JADE3: variants seen among roughly 807,000 people sequenced by gnomAD.
The protein encoded by JADE3 is jade family PHD finger 3.
A neutral mutation model predicts 50.1 loss-of-function variants in JADE3; 2 were observed. The ratio of observed to expected loss-of-function variants is 0.04; its 90% CI spans 0.02 to 0.13. The LOEUF is 0.13. JADE3 is among the 10% of genes least tolerant of loss of function. The pLI is 1.00. For missense variants in JADE3, 475 were observed against 634.4 expected, an observed-to-expected ratio of 0.75 and a Z score of 2.70; for synonymous variants, 218 against 232.9, an observed-to-expected ratio of 0.94 and a Z score of 0.58.
chrX:46,988,112 A>G (rs1338767741), intron 3 of JADE3, among the ~76,000 whole-genome samples: 1 of 111,837 alleles, frequency 8.9e-6, no homozygotes. Context: ...CCAAATTTAA[A>G]CAATTATGAG....
intron 8 of JADE3, among the ~76,000 whole-genome samples, chrX:47,052,607 C>T (rs1242031373): frequency 1.1e-5 from 1 of 87,043 alleles, no homozygotes; most frequent in African/African-American, 4.4e-5. Flanking sequence ...GCCCTCCAGC[C>T]TCAGCAACAG....
chrX:47,048,440 A>G (rs57849247), intron 8 of JADE3, among the ~76,000 whole-genome samples: 1 of 112,383 alleles, frequency 8.9e-6, no homozygotes, highest in African/African-American at 3.2e-5. Context: ...AAAAGTTAAA[A>G]CAACCCAAAT....
intron 5 of JADE3, 40 bp from the exon 6 acceptor site, chrX:47,027,852 C>A (rs1435597762): frequency 2.7e-6 from 3 of 1,125,588 alleles, no homozygotes; most frequent in Non-Finnish European, 3.7e-6. Flanking sequence ...GGAATGACAG[C>A]TGACTGATGG....
chrX:46,938,426 A>G (rs1388588114), intron 1 of JADE3, among the ~76,000 whole-genome samples: 3 of 111,615 alleles, frequency 2.7e-5, no homozygotes, highest in African/African-American at 9.8e-5. Context: ...TTCAAGAGGA[A>G]TGCAGAAACC....
At chrX:46,959,085 T>C (rs1376349415) in intron 1 of JADE3, among the ~76,000 whole-genome samples, 1 of 112,309 alleles carries the variant, frequency 8.9e-6, no homozygotes, top group Non-Finnish European at 1.9e-5. Context: ...GATTCTTAGT[T>C]ATACATCTCA....
intron 5 of JADE3, 72 bp downstream of exon 5, chrX:47,024,986 C>T: frequency 1.9e-6 from 1 of 525,805 alleles, no homozygotes; most frequent in Non-Finnish European, 3.0e-6. Flanking sequence ...AACCCTTTAG[C>T]TTGTTTTTAT....
intron 1 of JADE3, among the ~76,000 whole-genome samples, chrX:46,951,702 AT>A (rs782817387): frequency 7.6e-4 from 78 of 103,197 alleles, no homozygotes; most frequent in South Asian, 3.4e-3. Flanking sequence ...AGGCTTTGTT[AT>A]TTTTTTTTTC....
intron 8 of JADE3, among the ~76,000 whole-genome samples, chrX:47,049,466 C>CT (rs1172608413): frequency 1.3e-3 from 123 of 96,974 alleles, no homozygotes; most frequent in African/African-American, 3.9e-3. Flanking sequence ...GCGCCCAACC[C>CT]TTTTTTTTTT....
chrX:46,961,117 G>A (rs1170978388), intron 1 of JADE3, among the ~76,000 whole-genome samples: 2 of 111,985 alleles, frequency 1.8e-5, no homozygotes, highest in Non-Finnish European at 3.8e-5. Context: ...TTACTACAAA[G>A]CCATTATAAT....
At chrX:46,978,452 A>C (rs782011243) in intron 1 of JADE3, among the ~76,000 whole-genome samples, 1 of 111,586 alleles carries the variant, frequency 9.0e-6, no homozygotes, top group East Asian at 2.8e-4. Flanking sequence ...AATGAATAGA[A>C]CCAGGGTTGG....
intron 1 of JADE3, among the ~76,000 whole-genome samples, chrX:46,963,650 C>T (rs1927309082): frequency 8.9e-6 from 1 of 112,030 alleles, no homozygotes. Flanking sequence ...GGGAGCTCTG[C>T]TTTTGAAGTC....
In JADE3 at chrX:46,966,430, G is replaced by C. The variant is rs1239763082; in HGVS notation, c.-11-18454G>C. Among the ~76,000 whole-genome samples, 3 of 110,828 alleles carry C rather than the reference G, an allele frequency of 2.7e-5. No homozygotes were observed. In the Admixed American group the frequency reaches 2.9e-4, roughly 11 times the overall value. ...GCTCTGGACCAGAGGACCTTGTTTT[G>C]GGAGCCATAAGCATGTGGGTAGGGC... On this transcript the variant is annotated intron_variant, in intron 1 of 10. Transcript: ENST00000614628.
intron 1 of JADE3, among the ~76,000 whole-genome samples, chrX:46,917,060 G>A (rs1926101842): frequency 9.0e-6 from 1 of 111,532 alleles, no homozygotes; most frequent in Non-Finnish European, 1.9e-5. Context: ...ACTTGCTCTT[G>A]GCCAGTTATT....
chrX:46,985,860 T>A, intron 3 of JADE3, 68 bp downstream of exon 3: 1 of 730,510 alleles, frequency 1.4e-6, no homozygotes, highest in Non-Finnish European at 2.1e-6. Context: ...AAACCTCATG[T>A]TGAAATTATA....
intron 1 of JADE3, among the ~76,000 whole-genome samples, chrX:46,975,545 G>C (rs956059365): frequency 2.7e-5 from 3 of 110,126 alleles, no homozygotes; most frequent in African/African-American, 9.9e-5. Flanking sequence ...ATGTTTCCCT[G>C]TATACCATGT....
At chrX:46,955,520 A>C (rs1022560366) in intron 1 of JADE3, among the ~76,000 whole-genome samples, 1 of 112,325 alleles carries the variant, frequency 8.9e-6, no homozygotes, top group African/African-American at 3.2e-5. Context: ...GTCCCAATTA[A>C]GTGATTTATT....
At chrX:46,916,422 G>A (rs1363217373) in intron 1 of JADE3, among the ~76,000 whole-genome samples, 1 of 111,816 alleles carries the variant, frequency 8.9e-6, no homozygotes, top group Non-Finnish European at 1.9e-5. Flanking sequence ...GCAGCCACTG[G>A]GTATAGCAGA....
At chrX:46,973,997 T>G (rs1556351042) in intron 1 of JADE3, among the ~76,000 whole-genome samples, 1 of 111,554 alleles carries the variant, frequency 9.0e-6, no homozygotes, top group East Asian at 2.8e-4. Flanking sequence ...GGACAATCGC[T>G]TGAACCAGGG....
At chrX:46,932,193 G>A (rs782754130) in intron 1 of JADE3, among the ~76,000 whole-genome samples, 1 of 112,060 alleles carries the variant, frequency 8.9e-6, no homozygotes, top group Non-Finnish European at 1.9e-5. Context: ...TTTCAGTGTC[G>A]TACTGGAGCA....
Sources: allele counts gnomAD v4.1 joint callset (sites outside exome capture counted in the v4.1 genomes callset), GRCh38; gene constraint gnomAD v4.1.1; transcripts MANE v1.5; gene names NCBI Gene and HGNC (gene_info 2026-07-23, HGNC 2026-07-21).